The following TLCD3B variants were observed in gnomAD, a reference collection of about 807,000 sequenced individuals.
The protein encoded by TLCD3B is ceramide synthase.
In TLCD3B, 9 loss-of-function variants were observed where a neutral mutation model predicts 23.0. That is an observed-to-expected ratio of 0.39 (90% CI 0.24 to 0.68). The LOEUF (loss-of-function observed/expected upper bound fraction) is 0.68, where lower values mean the gene tolerates loss of function less well. Among genes scored for constraint, TLCD3B ranks in the 30% least tolerant of loss-of-function variants. The pLI is 0.44. For synonymous variants in TLCD3B, 161 were observed against 161.0 expected (o/e 1.00, Z 0.00); for missense variants, 307 against 371.8 (o/e 0.83, Z 1.43).
intron 1 of TLCD3B, among the ~76,000 whole-genome samples, chr16:30,047,811 G>T (rs2071696663): frequency 6.6e-6 from 1 of 151,448 alleles, no homozygotes. Flanking sequence ...CCATGCTGGA[G>T]TGGAGTGGTG....
intron 3 of TLCD3B, among the ~76,000 whole-genome samples, chr16:30,039,752 C>T (rs952036003): frequency 6.6e-6 from 1 of 152,076 alleles, no homozygotes; most frequent in African/African-American, 2.4e-5. Flanking sequence ...GCTGGGATTA[C>T]AGGCATGAGC....
At chr16:30,027,962 A>G (rs1371450516) in intron 2 of TLCD3B, among the ~76,000 whole-genome samples, 1 of 152,184 alleles carries the variant, frequency 6.6e-6, no homozygotes, top group Non-Finnish European at 1.5e-5. Flanking sequence ...CTGTGAGTGG[A>G]GCCAACCCAT....
intron 1 of TLCD3B, among the ~76,000 whole-genome samples, chr16:30,046,789 G>A: frequency 6.6e-6 from 1 of 152,190 alleles, no homozygotes. Context: ...TCCTGCTTCT[G>A]CCAGTCACTA....
At chr16:30,030,085 C>T (rs1385138902) in intron 1 of TLCD3B, 3 of 1,378,602 alleles carry the variant, frequency 2.2e-6, no homozygotes, top group Non-Finnish European at 2.9e-6. Context: ...GCTGTCTGGC[C>T]CTGGCCTCAG....
rs542473095 is a variant in TLCD3B, at chr16:30,025,622, G to T, written c.540+104C>A. 3.9e-5 allele frequency: 57 copies of T among 1,471,368 alleles called. No individual in the cohort carries two copies. Among genetic ancestry groups the T allele is most frequent in the Non-Finnish European group, 5.1e-5 (54 of 1,052,848 alleles). 91.1% of individuals were successfully genotyped at this position (1,471,368 alleles called of 1,614,324 possible). A position where few individuals can be genotyped will look rare whatever the true frequency, so the allele number is the denominator to read the frequency against. On this transcript the variant is annotated intron_variant, in intron 4 of 4. Transcript: ENST00000380495. This position sits in a 1 kb window ranked among gnomAD's most constrained non-coding sequence, Gnocchi z 4.1. ...AGGTGCTCAAAATGCACGGGGTGAGGGGGGGATGACGAAGGGGCTAGAGCC... is the reference window on the plus strand; with the variant it reads ...AGGTGCTCAAAATGCACGGGGTGAGTGGGGGATGACGAAGGGGCTAGAGCC...
At chr16:30,040,147 A>AAAAAAATATATATATATATAT in intron 3 of TLCD3B, among the ~76,000 whole-genome samples, 4 of 95,894 alleles carry the variant, frequency 4.2e-5, no homozygotes, top group African/African-American at 1.7e-4. Flanking sequence ...AAAAAAAAAA[A>AAAAAAATATATATATATATAT]ATATATATAT....
rs112088185 is a variant in TLCD3B at position 30,042,471 on chromosome 16, G to A, written c.-228-1315C>T. Among the ~76,000 whole-genome samples the A allele has an allele frequency of 9.4e-3, 1,433 of 152,098 alleles. 15 individuals carry two copies. Among genetic ancestry groups the A allele is most frequent in the African/African-American group, 0.032 (1,339 of 41,512 alleles). On this transcript the variant is annotated intron_variant, in intron 2 of 6. Coordinates refer to the TLCD3B transcript ENST00000561666. ...ACTCCTGACCTCAAGTGATCCACCC[G>A]CTTTGGCCTCCCAAAGTGTTGGGAT... is the stretch of plus-strand genomic sequence containing the variant.
Position 30,025,626 on chromosome 16 carries a change from G to T in TLCD3B, c.540+100C>A. ...GCTCAAAATGCACGGGGTGAGGGGG[G>T]GATGACGAAGGGGCTAGAGCCCTTG... On this transcript the variant is annotated intron_variant, in intron 4 of 4. Transcript: ENST00000380495. The surrounding 1 kb of genome is among the most constrained non-coding windows in gnomAD (Gnocchi z 4.1). 6.8e-7 allele frequency: 1 copy of T among 1,462,114 alleles called. No individual in the cohort carries two copies. Among genetic ancestry groups the T allele is most frequent in the South Asian group, 1.1e-5 (1 of 88,114 alleles). The allele number at this position is 1,462,114 out of a possible 1,614,324, so 90.6% of individuals were successfully genotyped here.
At position 30,029,455 on chromosome 16, in the gene TLCD3B, G is replaced by A. The variant is rs756319955; in HGVS notation, c.186C>T (p.Ser62=). ...ASTAGYIVST[S]CKHIIDDQHW... ...ACTGGTCATCAATGATGTGCTTGCA[G>A]GAGGTGGAGACGATGTAGCCGGCAG... The change falls in exon 2 of 5, where the codon TCC becomes TCT. Residue 62 remains serine (S), a synonymous_variant. Transcript: ENST00000380495. This position sits in a 1 kb window ranked among gnomAD's most constrained non-coding sequence, Gnocchi z 4.6. The A allele has an allele frequency of 4.3e-6, 7 of 1,614,052 alleles. No homozygotes were observed. The highest frequency in any genetic ancestry group is 5.9e-6 in the Non-Finnish European group (7 of 1,179,966).
At chr16:30,040,189 G>C (rs867318458) in intron 3 of TLCD3B, among the ~76,000 whole-genome samples, 1 of 145,476 alleles carries the variant, frequency 6.9e-6, no homozygotes. Flanking sequence ...TCCTGAGCTG[G>C]GGTCTGAAAC....
At chr16:30,031,733 G>T (rs1045485441), upstream of TLCD3B, among the ~76,000 whole-genome samples, 1 of 152,224 alleles carries the variant, frequency 6.6e-6, no homozygotes, top group African/African-American at 2.4e-5. Context: ...GCCAGAGGGG[G>T]CACCTGACTG....
intron 1 of TLCD3B, among the ~76,000 whole-genome samples, chr16:30,052,199 C>T (rs2071771283): frequency 6.6e-6 from 1 of 151,692 alleles, no homozygotes; most frequent in African/African-American, 2.4e-5. Flanking sequence ...GAAACCCCGT[C>T]TCTACTAAAA....
At position 30,029,271 on chromosome 16, in the gene TLCD3B, C is replaced by T. The variant is rs532791933; in HGVS notation, c.209+161G>A. Among the ~76,000 whole-genome samples the T allele has an allele frequency of 2.6e-5, 4 of 152,232 alleles. No individual in the cohort carries two copies. In the South Asian group the frequency reaches 8.3e-4, roughly 32 times the overall value. On this transcript the variant is annotated intron_variant, in intron 2 of 4. Transcript: ENST00000380495. This position sits in a 1 kb window ranked among gnomAD's most constrained non-coding sequence, Gnocchi z 4.6. ...AAGGACAGGACAGGATAAATTTATC[C>T]CTGGGTGTTGAGTTGCGGTTATTGC... is the stretch of plus-strand genomic sequence containing the variant.
intron 2 of TLCD3B, 112 bp from the exon 3 acceptor site, chr16:30,026,955 T>A: frequency 1.1e-6 from 1 of 880,344 alleles, no homozygotes; most frequent in Non-Finnish European, 1.8e-6. Context: ...GAGTCTTGGG[T>A]ACAGATGAGG....
At position 30,029,275 on chromosome 16, in the gene TLCD3B, G is replaced by T. The variant is rs2071278252; in HGVS notation, c.209+157C>A. ...ACAGGACAGGATAAATTTATCCCTG[G>T]GTGTTGAGTTGCGGTTATTGCAGTT... On this transcript the variant is annotated intron_variant, in intron 2 of 4. Coordinates refer to ENST00000380495, the MANE Select transcript of TLCD3B (RefSeq NM_031478.6). The surrounding 1 kb of genome is among the most constrained non-coding windows in gnomAD (Gnocchi z 4.6). 6.6e-6 allele frequency among the ~76,000 whole-genome samples: 1 copy of T among 152,146 alleles called. No individual in the cohort carries two copies. Among genetic ancestry groups the T allele is most frequent in the Non-Finnish European group, 1.5e-5 (1 of 68,026 alleles).
At position 30,030,811 on chromosome 16, in the gene TLCD3B, C is replaced by T; in HGVS notation, c.-284G>A. The T allele has an allele frequency of 1.8e-6, 2 of 1,089,914 alleles. No homozygotes were observed. Among genetic ancestry groups the T allele is most frequent in the Non-Finnish European group, 2.2e-6 (2 of 901,556 alleles). 67.5% of individuals were successfully genotyped at this position (1,089,914 alleles called of 1,614,324 possible). A position where few individuals can be genotyped will look rare whatever the true frequency, so the allele number is the denominator to read the frequency against. ...ATGGGGAGAGGCAAAGAGGGGATGGCTTGGTGAGGGACAGAGAGGAAGAGG... is the reference window on the plus strand; with the variant it reads ...ATGGGGAGAGGCAAAGAGGGGATGGTTTGGTGAGGGACAGAGAGGAAGAGG... On this transcript the variant is annotated 5_prime_UTR_variant, in exon 1 of 5. Coordinates refer to ENST00000380495, the MANE Select transcript of TLCD3B (RefSeq NM_031478.6).
At chr16:30,039,105 T>C (rs1285137903) in intron 3 of TLCD3B, among the ~76,000 whole-genome samples, 14 of 127,104 alleles carry the variant, frequency 1.1e-4, no homozygotes, top group South Asian at 5.4e-4. Flanking sequence ...CTTCCTCTCT[T>C]TTTTTTTTTT....
upstream of TLCD3B, chr16:30,033,111 T>C (rs1310143903): frequency 6.6e-6 from 1 of 152,152 alleles, no homozygotes; most frequent in East Asian, 1.9e-4. Flanking sequence ...TAGCCGGGCA[T>C]GGTGGCATGC....
chr16:30,040,178 A>G (rs1403698638), intron 3 of TLCD3B, among the ~76,000 whole-genome samples: 7 of 146,632 alleles, frequency 4.8e-5, no homozygotes. Flanking sequence ...ATATGAAAAG[A>G]TCCTGAGCTG....
Sources: gnomAD v4.1 joint callset for allele counts (sites outside exome capture counted in the v4.1 genomes callset) on GRCh38, gnomAD v4.1.1 for gene constraint, Gnocchi (gnomAD v3.1) non-coding constraint, MANE v1.5 for transcripts, NCBI Gene and HGNC (gene_info 2026-07-23, HGNC 2026-07-21) for gene names.